Variants in LRRIQ3 observed in about 807,000 individuals in gnomAD.
LRRIQ3 encodes leucine rich repeats and IQ motif containing 3, also known as leucine-rich repeat and IQ domain-containing protein 3.
A neutral mutation model predicts 59.3 loss-of-function variants in LRRIQ3; 75 were observed. The observed-to-expected ratio is 1.26, with a 90% CI of 1.05 to 1.53. The LOEUF is 1.53. Among genes scored for constraint, LRRIQ3 ranks in the 40% most tolerant of loss-of-function variants. The pLI is 0.00. For synonymous variants in LRRIQ3, 250 were observed against 231.3 expected (o/e 1.08, Z -0.73); for missense variants, 831 against 710.0 (o/e 1.17, Z -1.94).
chr1:74,182,523 A>C lies in LRRIQ3; in HGVS notation c.573+15T>G, dbSNP rs200708234. ...ATACATTTAATTAAAATGAAACCCT[A>C]AAGAAGCCAATTACCTTTCTCAAAG... On this transcript the variant is annotated intron_variant, in intron 3 of 7. Transcript: ENST00000354431. The C allele has an allele frequency of 4.7e-6, 7 of 1,476,932 alleles. No individual in the cohort carries two copies. The South Asian group carries it at 9.2e-5, about 19-fold the overall frequency. 91.5% of individuals were successfully genotyped at this position (1,476,932 alleles called of 1,614,324 possible). A position where few individuals can be genotyped will look rare whatever the true frequency, so the allele number is the denominator to read the frequency against.
intron 4 of LRRIQ3, chr1:74,138,520 T>C (rs1247283526): frequency 2.0e-6 from 2 of 983,908 alleles, no homozygotes; most frequent in African/African-American, 1.8e-5. Context: ...TGTCTCAATA[T>C]GAGAAACAAA....
rs188915978 is a variant in LRRIQ3, at chr1:74,096,743, A to G, written c.867+12651T>C. On this transcript the variant is annotated intron_variant, in intron 5 of 7. Coordinates refer to ENST00000354431, the MANE Select transcript of LRRIQ3 (RefSeq NM_001105659.2). The stretch of plus-strand genomic sequence containing the variant: ...GGGGTTTTGGTGTGGAGGTCCTTTC[A>G]GTTTGTTAGCTTTCCTTCTAACAAT... Among the ~76,000 whole-genome samples the G allele has an allele frequency of 6.6e-5, 10 of 152,168 alleles. No individual in the cohort carries two copies. In the East Asian group the frequency reaches 1.9e-3, roughly 30 times the overall value.
chr1:74,172,551 A>G (rs1441435238), intron 3 of LRRIQ3, among the ~76,000 whole-genome samples: 1 of 152,122 alleles, frequency 6.6e-6, no homozygotes, highest in Non-Finnish European at 1.5e-5. Context: ...AATGTATATT[A>G]TATTACTGCT....
intron 3 of LRRIQ3, among the ~76,000 whole-genome samples, chr1:74,159,450 C>A (rs1266041104): frequency 6.6e-6 from 1 of 152,068 alleles, no homozygotes; most frequent in Admixed American, 6.6e-5. Flanking sequence ...GGCCTCCAAG[C>A]GTGACTTAAC....
intron 4 of LRRIQ3, among the ~76,000 whole-genome samples, chr1:74,154,164 CCGGAAGTCAGAGGTTGCAG>C (rs1281477196): frequency 7.3e-6 from 1 of 137,516 alleles, no homozygotes; most frequent in African/African-American, 2.7e-5. Context: ...TGGCGTGAAC[CCGGAAGTCAGAGGTTGCAG>C]CGAGCCGAGA....
intron 4 of LRRIQ3, among the ~76,000 whole-genome samples, chr1:74,133,096 C>T (rs889545828): frequency 7.2e-5 from 11 of 151,984 alleles, no homozygotes; most frequent in East Asian, 3.9e-4. Context: ...ATGCAGCCAA[C>T]GGACACATGA....
chr1:74,103,118 A>G (rs1254553122), intron 5 of LRRIQ3, among the ~76,000 whole-genome samples: 1 of 151,998 alleles, frequency 6.6e-6, no homozygotes, highest in Admixed American at 6.6e-5. Flanking sequence ...AATACTCAGA[A>G]CAACTCCAGC....
At chr1:74,092,478 G>A (rs1212815484) in intron 5 of LRRIQ3, among the ~76,000 whole-genome samples, 1 of 151,978 alleles carries the variant, frequency 6.6e-6, no homozygotes, top group African/African-American at 2.4e-5. Context: ...AGATATTATA[G>A]GCTGAAGAGC....
intron 3 of LRRIQ3, among the ~76,000 whole-genome samples, chr1:74,177,680 T>A (rs1649728885): frequency 6.6e-6 from 1 of 151,818 alleles, no homozygotes; most frequent in African/African-American, 2.4e-5. Flanking sequence ...TTACATTATA[T>A]GTTTTAAGGA....
At chr1:74,104,612 G>C (rs76484875) in intron 5 of LRRIQ3, among the ~76,000 whole-genome samples, 1 of 152,076 alleles carries the variant, frequency 6.6e-6, no homozygotes, top group East Asian at 1.9e-4. Flanking sequence ...TCAACTATAC[G>C]ACATTTCAGA....
intron 3 of LRRIQ3, among the ~76,000 whole-genome samples, chr1:74,160,562 A>G (rs1047700843): frequency 2.6e-5 from 4 of 152,006 alleles, no homozygotes; most frequent in African/African-American, 9.7e-5. Context: ...CCGTAATTCC[A>G]TCCTATTTAT....
intron 4 of LRRIQ3, among the ~76,000 whole-genome samples, chr1:74,146,711 A>G (rs909128124): frequency 6.6e-6 from 1 of 152,212 alleles, no homozygotes; most frequent in African/African-American, 2.4e-5. Context: ...ACAAGTTTTG[A>G]AACCTCAGGC....
chr1:74,104,086 T>C (rs573267498), intron 5 of LRRIQ3, among the ~76,000 whole-genome samples: 4 of 152,096 alleles, frequency 2.6e-5, no homozygotes, highest in South Asian at 4.1e-4. Context: ...CCAAAGAATA[T>C]ACATAGATGG....
chr1:74,074,828 T>C, intron 5 of LRRIQ3, 38 bp from the exon 6 acceptor site: 1 of 1,060,308 alleles, frequency 9.4e-7, no homozygotes, highest in Admixed American at 2.9e-5. Context: ...AATGATAATA[T>C]CTCATGTGTT....
chr1:74,048,808 T>C (rs1654279165), intron 6 of LRRIQ3, among the ~76,000 whole-genome samples: 1 of 152,146 alleles, frequency 6.6e-6, no homozygotes, highest in Non-Finnish European at 1.5e-5. Context: ...AGTGTATACA[T>C]AAAATTGAAT....
chr1:74,168,357 C>T (rs891631394), intron 3 of LRRIQ3, among the ~76,000 whole-genome samples: 2 of 151,954 alleles, frequency 1.3e-5, no homozygotes, highest in Non-Finnish European at 2.9e-5. Flanking sequence ...CTGATAATTC[C>T]CTTTGTGCTG....
intron 5 of LRRIQ3, chr1:74,108,841 T>C: frequency 2.8e-6 from 1 of 358,136 alleles, no homozygotes; most frequent in Non-Finnish European, 5.5e-6. Context: ...TTAACCTCTA[T>C]GTCTCTTAGT....
At chr1:74,145,533 T>G (rs1557638953) in intron 4 of LRRIQ3, among the ~76,000 whole-genome samples, 1 of 152,152 alleles carries the variant, frequency 6.6e-6, no homozygotes, top group Non-Finnish European at 1.5e-5. Flanking sequence ...TCTTCTAAAT[T>G]TTATGTGAGA....
chr1:74,112,367 A>G (rs1382051318), intron 4 of LRRIQ3, among the ~76,000 whole-genome samples: 2 of 152,142 alleles, frequency 1.3e-5, no homozygotes, highest in African/African-American at 4.8e-5. Context: ...TAAGAGGAGG[A>G]TGGTAGCTCC....
Sources: allele counts gnomAD v4.1 joint callset (sites outside exome capture counted in the v4.1 genomes callset), GRCh38; gene constraint gnomAD v4.1.1; transcripts MANE v1.5; gene names NCBI Gene and HGNC (gene_info 2026-07-23, HGNC 2026-07-21).